HSPA14: variants seen among roughly 807,000 people sequenced by gnomAD.
HSPA14 encodes the protein heat shock protein family A (Hsp70) member 14, also known as heat shock 70 kDa protein 14.
HSPA14 carries 37 observed loss-of-function variants against 65.5 expected under a neutral mutation model. The observed-to-expected ratio is 0.56, with a 90% CI of 0.43 to 0.74. The LOEUF is 0.74. Ranked by LOEUF, HSPA14 falls within the 30% of genes least tolerant of loss-of-function variation. The probability of loss-of-function intolerance (pLI) is 0.00; values close to 1 mark genes in which losing one functional copy is unlikely to be tolerated. For synonymous variants in HSPA14, 203 were observed against 214.2 expected, an observed-to-expected ratio of 0.95 and a Z score of 0.46; for missense variants, 564 against 607.6, an observed-to-expected ratio of 0.93 and a Z score of 0.75.
chr10:14,846,645 T>G, intron 3 of HSPA14: 1 of 945,430 alleles, frequency 1.1e-6, no homozygotes, highest in Non-Finnish European at 1.3e-6. Flanking sequence ...AGTGGGAAAC[T>G]CATAATTGTC....
chr10:14,847,004 T>G lies in HSPA14; in HGVS notation c.222-1605T>G, dbSNP rs528294035. The G allele has an allele frequency of 1.2e-5, 12 of 985,504 alleles. No homozygotes were observed. In the African/African-American group the frequency reaches 2.1e-4, roughly 17 times the overall value. The allele number at this position is 985,504 out of a possible 1,614,324, so 61.0% of individuals were successfully genotyped here. A position where few individuals can be genotyped will look rare whatever the true frequency, so the allele number is the denominator to read the frequency against. Reference sequence around the variant, plus strand: ...TAAAGTTTTCACTTGTATGTAGTTGTGGGTCAGTCCACTACTTTGTGATGA... The same window carrying G: ...TAAAGTTTTCACTTGTATGTAGTTGGGGGTCAGTCCACTACTTTGTGATGA... On this transcript the variant is annotated intron_variant, in intron 3 of 13. Coordinates refer to ENST00000378372, the MANE Select transcript of HSPA14 (RefSeq NM_016299.4).
intron 10 of HSPA14, among the ~76,000 whole-genome samples, chr10:14,861,816 A>G (rs1256293744): frequency 1.3e-5 from 2 of 151,970 alleles, no homozygotes; most frequent in Non-Finnish European, 2.9e-5. Flanking sequence ...GATCTAGACC[A>G]TCATGGCCAA....
chr10:14,845,307 A>G, intron 3 of HSPA14: 1 of 985,484 alleles, frequency 1.0e-6, no homozygotes, highest in Non-Finnish European at 1.2e-6. Flanking sequence ...AGAAGTTGGA[A>G]AAATAACAAA....
chr10:14,845,611 T>G (rs886614922), intron 3 of HSPA14: 3 of 815,602 alleles, frequency 3.7e-6, no homozygotes, highest in Non-Finnish European at 4.4e-6. Flanking sequence ...TTTTTTTTTT[T>G]GAGAAAAAGT....
At chr10:14,846,654 TCCTA>T (rs1834058361) in intron 3 of HSPA14, 5 of 942,266 alleles carry the variant, frequency 5.3e-6, no homozygotes, top group Non-Finnish European at 6.3e-6. Context: ...CTCATAATTG[TCCTA>T]CCTACCTCAC....
chr10:14,842,373 T>G lies in HSPA14; in HGVS notation c.221+2216T>G. On this transcript the variant is annotated intron_variant, in intron 3 of 13. Coordinates refer to ENST00000378372, the MANE Select transcript of HSPA14 (RefSeq NM_016299.4). The surrounding 1 kb of genome is among the most constrained non-coding windows in gnomAD (Gnocchi z 5.2). ...TCCATACTAGGCGAGGCAGAGTATA[T>G]TCAGCGCCTCCAGACTGTGCATCAC... is the stretch of plus-strand genomic sequence containing the variant. 6.5e-7 allele frequency: 1 copy of G among 1,536,168 alleles called. No individual in the cohort carries two copies. Among genetic ancestry groups the G allele is most frequent in the Non-Finnish European group, 8.7e-7 (1 of 1,146,912 alleles).
intron 1 of HSPA14, among the ~76,000 whole-genome samples, chr10:14,839,085 C>T (rs1833934396): frequency 6.6e-6 from 1 of 152,154 alleles, no homozygotes. Context: ...GCTGTGAAGC[C>T]AGTTGATGGT....
Position 14,844,536 on chromosome 10 carries a change from T to G in HSPA14, c.222-4073T>G, listed in dbSNP as rs1834021618. 4.1e-6 allele frequency: 4 copies of G among 986,976 alleles called. No individual in the cohort carries two copies. In the South Asian group the frequency reaches 1.9e-4, roughly 46 times the overall value. 61.1% of individuals were successfully genotyped at this position (986,976 alleles called of 1,614,324 possible). A position where few individuals can be genotyped will look rare whatever the true frequency, so the allele number is the denominator to read the frequency against. On this transcript the variant is annotated intron_variant, in intron 3 of 13. Transcript: ENST00000378372. ...GTACCTTAATCTCTTACATTTCCAC[T>G]GCTGTGTATCTGACATATCTACTAG...
intron 10 of HSPA14, among the ~76,000 whole-genome samples, chr10:14,861,153 T>C (rs1340396901): frequency 1.3e-5 from 2 of 152,056 alleles, no homozygotes; most frequent in Admixed American, 6.5e-5. Context: ...AGGTTTAATA[T>C]TGAATTGATG....
At chr10:14,862,005 T>G (rs7086896) in intron 10 of HSPA14, among the ~76,000 whole-genome samples, 2 of 148,050 alleles carry the variant, frequency 1.4e-5, no homozygotes, top group East Asian at 2.1e-4. Flanking sequence ...AGTGAGACTC[T>G]GTCTCAAAAA....
intron 10 of HSPA14, among the ~76,000 whole-genome samples, chr10:14,862,026 A>C (rs1472445684): frequency 2.2e-5 from 3 of 134,400 alleles, no homozygotes; most frequent in Non-Finnish European, 4.6e-5. Flanking sequence ...AAAAAAAGAA[A>C]TAGATTTTTT....
chr10:14,843,048 GA>G (rs1833995454), intron 3 of HSPA14, among the ~76,000 whole-genome samples: 1 of 152,180 alleles, frequency 6.6e-6, no homozygotes, highest in African/African-American at 2.4e-5. Flanking sequence ...TAAGGTATTA[GA>G]ACCCTTTAAA....
intron 10 of HSPA14, among the ~76,000 whole-genome samples, chr10:14,858,842 G>T (rs987396321): frequency 2.0e-5 from 3 of 152,184 alleles, no homozygotes; most frequent in Non-Finnish European, 2.9e-5. Flanking sequence ...TTCCAGAGAG[G>T]TGAAGTAATT....
intron 10 of HSPA14, among the ~76,000 whole-genome samples, chr10:14,858,420 T>G (rs991875200): frequency 6.6e-6 from 1 of 152,224 alleles, no homozygotes; most frequent in Non-Finnish European, 1.5e-5. Flanking sequence ...AATAAGAAAT[T>G]GTCTTCTTAG....
chr10:14,838,882 CGCT>C (rs1833930293), intron 1 of HSPA14, among the ~76,000 whole-genome samples: 1 of 152,086 alleles, frequency 6.6e-6, no homozygotes, highest in Non-Finnish European at 1.5e-5. Context: ...GAAGGGGTCT[CGCT>C]GACGTCAGGG....
At chr10:14,865,055 C>T (rs1319422491) in intron 10 of HSPA14, among the ~76,000 whole-genome samples, 1 of 152,166 alleles carries the variant, frequency 6.6e-6, no homozygotes, top group East Asian at 1.9e-4. Context: ...TTTTGATTTG[C>T]ATTTCTCTGA....
At chr10:14,852,332 TGTTATTC>T (rs763834442) in intron 7 of HSPA14, 31 bp from the exon 8 acceptor site, 15 of 1,556,602 alleles carry the variant, frequency 9.6e-6, no homozygotes, top group Non-Finnish European at 1.3e-5. Flanking sequence ...AGTTTTAAAA[TGTTATTC>T]CCTGATAACT....
chr10:14,856,402 G>A (rs1314324642), intron 10 of HSPA14, among the ~76,000 whole-genome samples: 2 of 152,178 alleles, frequency 1.3e-5, no homozygotes, highest in Non-Finnish European at 2.9e-5. Flanking sequence ...GTAGAGCCAA[G>A]ATTTAACCCA....
chr10:14,843,678 G>A (rs1221453833), intron 3 of HSPA14: 1 of 1,545,842 alleles, frequency 6.5e-7, no homozygotes, highest in South Asian at 1.2e-5. Context: ...ACAGGCGATT[G>A]GCACGAGAAC....
Sources: gnomAD v4.1 joint callset for allele counts (sites outside exome capture counted in the v4.1 genomes callset) on GRCh38, gnomAD v4.1.1 for gene constraint, Gnocchi (gnomAD v3.1) non-coding constraint, MANE v1.5 for transcripts, NCBI Gene and HGNC (gene_info 2026-07-23, HGNC 2026-07-21) for gene names.